B3GALT1: variants seen among roughly 807,000 people sequenced by gnomAD.
B3GALT1 encodes UDP-Gal:betaGlcNAc beta 1,3-galactosyltransferase, polypeptide 1.
B3GALT1 carries 10 observed loss-of-function variants against 23.2 expected under a neutral mutation model. The ratio of observed to expected loss-of-function variants is 0.43; its 90% CI spans 0.27 to 0.73. B3GALT1 has a LOEUF of 0.73. B3GALT1 is among the 30% of genes least tolerant of loss of function. B3GALT1 has a pLI of 0.21. For synonymous variants in B3GALT1, 156 were observed against 141.5 expected, an observed-to-expected ratio of 1.10 and a Z score of -0.73; for missense variants, 299 against 405.4, an observed-to-expected ratio of 0.74 and a Z score of 2.25.
At chr2:167,774,510 T>G (rs867780990) in intron 3 of B3GALT1, among the ~76,000 whole-genome samples, 17 of 137,620 alleles carry the variant, frequency 1.2e-4, no homozygotes, top group Middle Eastern at 3.7e-3. Flanking sequence ...TTTTTTTTTT[T>G]TTTTGGAGAC....
chr2:167,753,145 A>G (rs1687765166), intron 3 of B3GALT1, among the ~76,000 whole-genome samples: 1 of 152,216 alleles, frequency 6.6e-6, no homozygotes, highest in African/African-American at 2.4e-5. Flanking sequence ...AAATGCAATC[A>G]TACACCTGAG....
intron 1 of B3GALT1, among the ~76,000 whole-genome samples, chr2:167,383,393 T>A (rs922662931): frequency 2.6e-5 from 4 of 152,252 alleles, no homozygotes; most frequent in African/African-American, 9.6e-5. Context: ...GCAAATAACA[T>A]GAAGTAGGCC....
chr2:167,472,575 A>G (rs1699432380), intron 1 of B3GALT1, among the ~76,000 whole-genome samples: 2 of 152,134 alleles, frequency 1.3e-5, no homozygotes, highest in Admixed American at 6.6e-5. Flanking sequence ...CAAGTCTCTA[A>G]TCACAACCTA....
intron 4 of B3GALT1, among the ~76,000 whole-genome samples, chr2:167,823,197 C>T (rs181654141): frequency 3.9e-5 from 6 of 152,274 alleles, no homozygotes; most frequent in East Asian, 1.9e-4. Flanking sequence ...CAAGCAGCAA[C>T]GCTAGGTTGT....
intron 1 of B3GALT1, among the ~76,000 whole-genome samples, chr2:167,297,604 ATTCT>A (rs1696372847): frequency 6.6e-6 from 1 of 152,114 alleles, no homozygotes; most frequent in Non-Finnish European, 1.5e-5. Flanking sequence ...CCCAGGTTCT[ATTCT>A]TTTATGCAAA....
chr2:167,859,072 T>C (rs1690051203), intron 4 of B3GALT1, among the ~76,000 whole-genome samples: 1 of 152,150 alleles, frequency 6.6e-6, no homozygotes, highest in African/African-American at 2.4e-5. Context: ...CAGCTGCTGT[T>C]TATATTAGTA....
chr2:167,799,381 C>T (rs1159819930), intron 3 of B3GALT1, among the ~76,000 whole-genome samples: 3 of 152,052 alleles, frequency 2.0e-5, no homozygotes, highest in Non-Finnish European at 4.4e-5. Flanking sequence ...CATTATGTTA[C>T]TTTGTATACC....
intron 2 of B3GALT1, among the ~76,000 whole-genome samples, chr2:167,548,476 A>C (rs1683681146): frequency 6.6e-6 from 1 of 152,152 alleles, no homozygotes. Flanking sequence ...CATTTCTAGG[A>C]TGTCTTTTTA....
intron 3 of B3GALT1, among the ~76,000 whole-genome samples, chr2:167,787,299 A>G (rs771611139): frequency 2.5e-4 from 38 of 152,162 alleles, no homozygotes; most frequent in Non-Finnish European, 5.1e-4. Flanking sequence ...TGAGGTTTAT[A>G]TCAGGAAGTT....
intron 3 of B3GALT1, among the ~76,000 whole-genome samples, chr2:167,705,547 G>T (rs990967715): frequency 1.3e-5 from 2 of 152,012 alleles, no homozygotes; most frequent in Non-Finnish European, 2.9e-5. Flanking sequence ...CTCTGTCTTT[G>T]GTAAATGAGG....
intron 3 of B3GALT1, among the ~76,000 whole-genome samples, chr2:167,772,730 C>G (rs996901806): frequency 3.9e-5 from 6 of 152,166 alleles, no homozygotes; most frequent in Non-Finnish European, 5.9e-5. Flanking sequence ...TATTAATCTT[C>G]TAAACATTTT....
intron 2 of B3GALT1, among the ~76,000 whole-genome samples, chr2:167,557,171 C>T (rs1169213864): frequency 6.6e-6 from 1 of 151,594 alleles, no homozygotes; most frequent in African/African-American, 2.4e-5. Flanking sequence ...GTTTATACAC[C>T]TCAAAGTAAA....
At position 167,826,714 on chromosome 2, in the gene B3GALT1, G is replaced by A. The variant is rs576772852; in HGVS notation, c.-230+7921G>A. On this transcript the variant is annotated intron_variant, in intron 4 of 4. Coordinates refer to ENST00000392690, the MANE Select transcript of B3GALT1 (RefSeq NM_020981.4). ...TCCACATCTGAGGCCTCAACCAACC[G>A]TGGATTGAAAATGTTTGTAAAAGAG... 5.3e-5 allele frequency among the ~76,000 whole-genome samples: 8 copies of A among 152,244 alleles called. No homozygotes were observed. The South Asian group carries it at 8.3e-4, about 16-fold the overall frequency.
At position 167,870,120 on chromosome 2, in the gene B3GALT1, G is replaced by C. The variant is rs1327887038; in HGVS notation, c.*100G>C. On this transcript the variant is annotated 3_prime_UTR_variant, in exon 5 of 5. Transcript: ENST00000392690. Reference sequence around the variant, plus strand: ...GTCGGGGGAAATGAACTGGTGAAGGGGTTTTGTAAAGTTTTTGCTTCCTGC... The same window carrying C: ...GTCGGGGGAAATGAACTGGTGAAGGCGTTTTGTAAAGTTTTTGCTTCCTGC... 49 of 1,305,860 alleles carry C rather than the reference G, an allele frequency of 3.8e-5. No homozygotes were observed. In the South Asian group the frequency reaches 4.9e-4, roughly 13 times the overall value. The allele number at this position is 1,305,860 out of a possible 1,614,324, so 80.9% of individuals were successfully genotyped here. A position where few individuals can be genotyped will look rare whatever the true frequency, so the allele number is the denominator to read the frequency against.
intron 4 of B3GALT1, among the ~76,000 whole-genome samples, chr2:167,843,320 A>T (rs1390482623): frequency 6.6e-6 from 1 of 152,210 alleles, no homozygotes; most frequent in African/African-American, 2.4e-5. Context: ...AAGATAACAT[A>T]CCTGGAGTAG....
intron 1 of B3GALT1, among the ~76,000 whole-genome samples, chr2:167,478,740 C>T (rs1018234486): frequency 2.0e-5 from 3 of 151,718 alleles, no homozygotes; most frequent in Admixed American, 6.6e-5. Flanking sequence ...TGATAGGCCC[C>T]GGTGTGTGAT....
At chr2:167,825,438 G>A (rs1467450879) in intron 4 of B3GALT1, among the ~76,000 whole-genome samples, 1 of 73,890 alleles carries the variant, frequency 1.4e-5, no homozygotes, top group Non-Finnish European at 2.7e-5. Context: ...ATATGCAGGG[G>A]TGTGTGTGTG....
chr2:167,420,870 A>G (rs1698536441), intron 1 of B3GALT1, among the ~76,000 whole-genome samples: 1 of 152,230 alleles, frequency 6.6e-6, no homozygotes, highest in Non-Finnish European at 1.5e-5. Flanking sequence ...ACATAGGCAT[A>G]GTTGTGGTGG....
At chr2:167,461,862 ACCTTT>A (rs1699263843) in intron 1 of B3GALT1, among the ~76,000 whole-genome samples, 1 of 152,192 alleles carries the variant, frequency 6.6e-6, no homozygotes, top group Non-Finnish European at 1.5e-5. Context: ...TAGCAATGTG[ACCTTT>A]CCTTTCAAAT....
Sources: allele counts gnomAD v4.1 joint callset (sites outside exome capture counted in the v4.1 genomes callset), GRCh38; gene constraint gnomAD v4.1.1; transcripts MANE v1.5; gene names NCBI Gene and HGNC (gene_info 2026-07-23, HGNC 2026-07-21).